TAF1D: variants seen among roughly 807,000 people sequenced by gnomAD.
TAF1D encodes the protein TATA-box binding protein associated factor, RNA polymerase I subunit D.
Under a neutral mutation model 26.2 loss-of-function variants are expected in TAF1D, and 23 were observed. The ratio of observed to expected loss-of-function variants is 0.88; its 90% CI spans 0.63 to 1.25. The LOEUF (loss-of-function observed/expected upper bound fraction) is 1.25, where lower values mean the gene tolerates loss of function less well. TAF1D is among the 50% of genes most tolerant of loss of function. The pLI is 0.00. For synonymous variants in TAF1D, 100 were observed against 105.6 expected, an observed-to-expected ratio of 0.95 and a Z score of 0.33; for missense variants, 299 against 322.0, an observed-to-expected ratio of 0.93 and a Z score of 0.55.
downstream of TAF1D, chr11:93,732,987 TCTTAC>T (rs1179132348): frequency 6.4e-6 from 2 of 314,424 alleles, no homozygotes; most frequent in Non-Finnish European, 1.2e-5. Context: ...TTTGCCAGTA[TCTTAC>T]TAATTCTGTG....
chr11:93,730,618 A>G (rs1938419354), downstream of TAF1D: 2 of 567,232 alleles, frequency 3.5e-6, no homozygotes, highest in South Asian at 1.4e-5. Context: ...TGGGTTTCAC[A>G]GCCTCATAAG....
At chr11:93,732,738 C>G (rs1346510272), downstream of TAF1D, 1 of 229,502 alleles carries the variant, frequency 4.4e-6, no homozygotes, top group Non-Finnish European at 8.9e-6. Context: ...CTTAACAGAT[C>G]AGACAACAAA....
rs1472689184 is a variant in TAF1D at position 93,741,349 on chromosome 11, C to A, written c.-55G>T. The A allele has an allele frequency of 8.8e-6, 4 of 456,138 alleles. No individual in the cohort carries two copies. Among genetic ancestry groups the A allele is most frequent in the Non-Finnish European group, 1.3e-5 (3 of 226,980 alleles). The allele number at this position is 456,138 out of a possible 1,614,324, so 28.3% of individuals were successfully genotyped here. On this transcript the variant is annotated 5_prime_UTR_variant, in exon 1 of 6. Coordinates refer to ENST00000448108, the MANE Select transcript of TAF1D (RefSeq NM_024116.4). ...AAAACGGCCTCGCAGTGGCCCCAAC[C>A]GCGCACTTGCTGCTTGTAACCCAGG...
downstream of TAF1D, chr11:93,730,827 G>A (rs1001194844): frequency 1.5e-5 from 6 of 401,064 alleles, no homozygotes; most frequent in East Asian, 2.5e-4. Context: ...AAACTGCTTG[G>A]TTATTAGCAA....
downstream of TAF1D, chr11:93,734,254 T>C (rs1186555561): frequency 6.3e-6 from 1 of 159,842 alleles, no homozygotes; most frequent in African/African-American, 2.4e-5. Flanking sequence ...ATCATTCAAA[T>C]TTATGAATTC....
Position 93,736,061 on chromosome 11 carries a change from T to G in TAF1D, c.*100A>C. 1 of 1,500,778 alleles carries G rather than the reference T, an allele frequency of 6.7e-7. No homozygotes were observed. The highest frequency in any genetic ancestry group is 8.8e-7 in the Non-Finnish European group (1 of 1,133,558). 93.0% of individuals were successfully genotyped at this position (1,500,778 alleles called of 1,614,324 possible). A position where few individuals can be genotyped will look rare whatever the true frequency, so the allele number is the denominator to read the frequency against. On this transcript the variant is annotated 3_prime_UTR_variant, in exon 6 of 6. Coordinates refer to ENST00000448108, the MANE Select transcript of TAF1D (RefSeq NM_024116.4). ...GTTATAAAGTTCTGGGTTTCAGAAT[T>G]TCTTCACCACCAGACTGGTACATAT...
exon 12 of TAF1D, chr11:93,730,471 AC>A (rs776776384): frequency 8.1e-6 from 6 of 741,680 alleles, no homozygotes; most frequent in South Asian, 7.0e-5. Flanking sequence ...ATTTTGATTA[AC>A]CTTTAAAACT....
chr11:93,739,306 AATTGCTCTTTG>A lies in TAF1D; in HGVS notation c.-13_-3del, dbSNP rs780775243. 246 of 1,604,904 alleles carry A rather than the reference AATTGCTCTTTG, an allele frequency of 1.5e-4. No homozygotes were observed. Among genetic ancestry groups the A allele is most frequent in the Middle Eastern group, 9.9e-4 (6 of 6,042 alleles). On this transcript the variant is annotated 5_prime_UTR_variant, in exon 2 of 6. It adds an upstream start codon to the 5' untranslated region. Transcript: ENST00000448108. ...AGAATCTATTCCTGATTTATCCATCAATTGCTCTTTGTTTTAAACAGTTTTCTGAAATTATG... is the reference window on the plus strand; with the variant it reads ...AGAATCTATTCCTGATTTATCCATCATTTTAAACAGTTTTCTGAAATTATG...
chr11:93,734,583 C>A (rs1344595934), downstream of TAF1D: 1 of 511,862 alleles, frequency 2.0e-6, no homozygotes, highest in Admixed American at 2.4e-5. Context: ...CTGTTTCCTA[C>A]ACATAAACAA....
intron 1 of TAF1D, among the ~76,000 whole-genome samples, chr11:93,740,397 C>T (rs905967666): frequency 1.6e-5 from 2 of 125,112 alleles, no homozygotes; most frequent in Admixed American, 2.1e-4. Flanking sequence ...CACCACTGCA[C>T]TCCAGCCTGG....
rs192636229 is a variant in TAF1D, at chr11:93,740,405, T to C, written c.-28+917A>G. 5.1e-3 allele frequency among the ~76,000 whole-genome samples: 584 copies of C among 114,048 alleles called. 4 individuals carry two copies. Among genetic ancestry groups the C allele is most frequent in the Non-Finnish European group, 7.4e-3 (452 of 61,326 alleles). The allele number at this position is 114,048 out of a possible 152,430, so 74.8% of individuals were successfully genotyped here. A position where few individuals can be genotyped will look rare whatever the true frequency, so the allele number is the denominator to read the frequency against. ...GAGATTGCACCACTGCACTCCAGCC[T>C]GGACGACAGAGCAAGACCCTGTCTC... is the stretch of plus-strand genomic sequence containing the variant. On this transcript the variant is annotated intron_variant, in intron 1 of 5. Coordinates refer to ENST00000448108, the MANE Select transcript of TAF1D (RefSeq NM_024116.4).
At chr11:93,733,255 G>A (rs1436189273), downstream of TAF1D, 1 of 519,076 alleles carries the variant, frequency 1.9e-6, no homozygotes, top group Non-Finnish European at 3.8e-6. Context: ...TTTAGTTCAT[G>A]CCCGTTATCA....
chr11:93,731,893 C>A, downstream of TAF1D: 1 of 390,036 alleles, frequency 2.6e-6, no homozygotes, highest in Admixed American at 3.2e-5. Flanking sequence ...AGTCAATATA[C>A]AGCACATAAA....
At position 93,741,450 on chromosome 11, in the gene TAF1D, A is replaced by G. The variant is rs1198785820; in HGVS notation, c.-156T>C. 2 of 455,502 alleles carry G rather than the reference A, an allele frequency of 4.4e-6. No individual in the cohort carries two copies. Among genetic ancestry groups the G allele is most frequent in the South Asian group, 1.5e-5 (1 of 64,534 alleles). The allele number at this position is 455,502 out of a possible 1,614,324, so 28.2% of individuals were successfully genotyped here. On this transcript the variant is annotated 5_prime_UTR_variant, in exon 1 of 6. Coordinates refer to ENST00000448108, the MANE Select transcript of TAF1D (RefSeq NM_024116.4). ...CCACCCTCCCGACCTCAGCCCTCCA[A>G]CTCCCGATAACCAGCCGACCTCCTC...
At chr11:93,731,595 CATA>C (rs767889708), downstream of TAF1D, 19 of 518,228 alleles carry the variant, frequency 3.7e-5, 1 homozygote, top group East Asian at 3.3e-4. Flanking sequence ...AGTTTAAACA[CATA>C]ATAACGTAAG....
At position 93,736,751 on chromosome 11, in the gene TAF1D, T is replaced by C; in HGVS notation, c.636A>G (p.Thr212=). ...GATGTGTTGCATCCTCATCCTCTGC[T>C]CTGTAATATTAAAATTTATCATCGA... is the stretch of plus-strand genomic sequence containing the variant. ...DGSISPIEES[T]AEDEDATHLE... The change falls in exon 5 of 6, where the codon ACA becomes ACG. Residue 212 remains threonine (T), a splice_region_variant and synonymous_variant. Coordinates refer to ENST00000448108, the MANE Select transcript of TAF1D (RefSeq NM_024116.4). The C allele has an allele frequency of 6.2e-7, 1 of 1,608,196 alleles. No individual in the cohort carries two copies. The highest frequency in any genetic ancestry group is 2.2e-5 in the East Asian group (1 of 44,582).
At chr11:93,741,242 A>G (rs1034999127) in intron 1 of TAF1D, 80 bp downstream of exon 1, 3 of 445,974 alleles carry the variant, frequency 6.7e-6, no homozygotes, top group Non-Finnish European at 4.5e-6. Flanking sequence ...GGACCAACGA[A>G]GGGGCCCCGG....
chr11:93,740,670 C>G (rs554659513), intron 1 of TAF1D, among the ~76,000 whole-genome samples: 1 of 152,044 alleles, frequency 6.6e-6, no homozygotes, highest in South Asian at 2.1e-4. Context: ...GTGGTATTTT[C>G]CTGGTACAAG....
chr11:93,734,579 C>T (rs1028894743), downstream of TAF1D: 2 of 502,544 alleles, frequency 4.0e-6, no homozygotes, highest in Admixed American at 4.7e-5. Flanking sequence ...CATACTGTTT[C>T]CTACACATAA....
Sources: allele counts gnomAD v4.1 joint callset (sites outside exome capture counted in the v4.1 genomes callset), GRCh38; gene constraint gnomAD v4.1.1; transcripts MANE v1.5; gene names NCBI Gene and HGNC (gene_info 2026-07-23, HGNC 2026-07-21).